The following DDAH1 variants were observed in gnomAD, a reference collection of about 807,000 sequenced individuals.
The protein encoded by DDAH1 is N(G),N(G)-dimethylarginine dimethylaminohydrolase 1.
Under a neutral mutation model 28.8 loss-of-function variants are expected in DDAH1, and 19 were observed. That is an observed-to-expected ratio of 0.66 (90% CI 0.46 to 0.97). DDAH1 has a LOEUF of 0.97. Among genes scored for constraint, DDAH1 ranks in the 50% least tolerant of loss-of-function variants. DDAH1 has a pLI of 0.00. For missense variants in DDAH1, 326 were observed against 375.9 expected, an observed-to-expected ratio of 0.87 and a Z score of 1.10; for synonymous variants, 153 against 154.4, an observed-to-expected ratio of 0.99 and a Z score of 0.07.
chr1:85,379,590 G>A, intron 1 of DDAH1: 1 of 985,124 alleles, frequency 1.0e-6, no homozygotes, highest in Non-Finnish European at 1.2e-6. Flanking sequence ...CATAACTTGT[G>A]AAAGAGTCAG....
At chr1:85,408,293 CT>C (rs36103030) in intron 1 of DDAH1, among the ~76,000 whole-genome samples, 5,141 of 145,590 alleles carry the variant, frequency 0.035, 127 homozygotes, top group East Asian at 0.13. Context: ...CTCCTTCTTC[CT>C]TTTTTTTTTT....
At chr1:85,422,717 C>G (rs1018735398) in intron 1 of DDAH1, among the ~76,000 whole-genome samples, 1 of 152,084 alleles carries the variant, frequency 6.6e-6, no homozygotes, top group Non-Finnish European at 1.5e-5. Flanking sequence ...TGCCCTAACC[C>G]CAGTGTGGTG....
chr1:85,432,583 A>G (rs907300463), intron 1 of DDAH1, among the ~76,000 whole-genome samples: 1 of 152,182 alleles, frequency 6.6e-6, no homozygotes, highest in Non-Finnish European at 1.5e-5. Flanking sequence ...CCTTAATGGC[A>G]CAATTGAATT....
intron 1 of DDAH1, among the ~76,000 whole-genome samples, chr1:85,450,584 A>G (rs1051357370): frequency 5.3e-5 from 8 of 152,308 alleles, no homozygotes; most frequent in African/African-American, 1.9e-4. Context: ...TCCTTCACTC[A>G]TCATAACATT....
Position 85,464,687 on chromosome 1 carries a change from G to A in DDAH1, c.303+56C>T. On this transcript the variant is annotated intron_variant, in intron 1 of 5. Transcript: ENST00000284031. This position sits in a 1 kb window ranked among gnomAD's most constrained non-coding sequence, Gnocchi z 4.4. ...GACTCCCCAGGCAACACGGCGGCCG[G>A]CGGCGGGGGAGGGCCTGGCGCGCGC... 2 of 1,429,928 alleles carry A rather than the reference G, an allele frequency of 1.4e-6. No individual in the cohort carries two copies. The highest frequency in any genetic ancestry group is 1.8e-6 in the Non-Finnish European group (2 of 1,098,560). 88.6% of individuals were successfully genotyped at this position (1,429,928 alleles called of 1,614,324 possible). A position where few individuals can be genotyped will look rare whatever the true frequency, so the allele number is the denominator to read the frequency against.
intron 1 of DDAH1, among the ~76,000 whole-genome samples, chr1:85,515,233 A>C (rs1322770423): frequency 6.6e-6 from 1 of 151,432 alleles, no homozygotes; most frequent in Non-Finnish European, 1.5e-5. Flanking sequence ...CTTAAAAAAA[A>C]AAAATTACGA....
At chr1:85,550,882 G>A (rs1324725938) in intron 1 of DDAH1, among the ~76,000 whole-genome samples, 2 of 152,166 alleles carry the variant, frequency 1.3e-5, no homozygotes, top group African/African-American at 4.8e-5. Context: ...AGCACTGACT[G>A]GATTACATAA....
At chr1:85,535,896 A>G (rs1324663369) in intron 1 of DDAH1, among the ~76,000 whole-genome samples, 2 of 152,348 alleles carry the variant, frequency 1.3e-5, no homozygotes, top group East Asian at 3.9e-4. Context: ...ATTTCTCGAA[A>G]GAAGACATAC....
intron 1 of DDAH1, among the ~76,000 whole-genome samples, chr1:85,433,140 GTTGTTT>G (rs1234380355): frequency 6.6e-6 from 1 of 151,766 alleles, no homozygotes; most frequent in African/African-American, 2.4e-5. Flanking sequence ...ATCTTTTTTT[GTTGTTT>G]TTGTTTTTAA....
intron 1 of DDAH1, among the ~76,000 whole-genome samples, chr1:85,450,166 G>A (rs999185300): frequency 1.4e-4 from 21 of 152,192 alleles, no homozygotes; most frequent in African/African-American, 4.6e-4. Context: ...ATATATTTGC[G>A]ATTATTTATT....
At chr1:85,465,583 G>C (rs1655347078), upstream of DDAH1, among the ~76,000 whole-genome samples, 1 of 152,154 alleles carries the variant, frequency 6.6e-6, no homozygotes, top group Admixed American at 6.5e-5. Flanking sequence ...GAGCTATAAT[G>C]GTTTACAGAT....
At chr1:85,498,684 T>C (rs1656683918) in intron 1 of DDAH1, among the ~76,000 whole-genome samples, 1 of 152,106 alleles carries the variant, frequency 6.6e-6, no homozygotes, top group South Asian at 2.1e-4. Context: ...TTTGAGAGGC[T>C]GAGGTGGGCA....
chr1:85,558,984 G>T (rs536622631), intron 1 of DDAH1, among the ~76,000 whole-genome samples: 1 of 152,222 alleles, frequency 6.6e-6, no homozygotes, highest in South Asian at 2.1e-4. Context: ...TACTAACAAG[G>T]TTATTATGAA....
chr1:85,342,519 A>C (rs755302698), intron 4 of DDAH1, among the ~76,000 whole-genome samples: 2 of 152,150 alleles, frequency 1.3e-5, no homozygotes, highest in Non-Finnish European at 2.9e-5. Context: ...GAGGAATTTT[A>C]GCATGTCAAA....
At chr1:85,496,457 T>C (rs1201766908) in intron 1 of DDAH1, among the ~76,000 whole-genome samples, 1 of 152,230 alleles carries the variant, frequency 6.6e-6, no homozygotes, top group Non-Finnish European at 1.5e-5. Context: ...AACTCACAAC[T>C]GAGTAAGTAA....
At chr1:85,570,383 C>CACACAG (rs1352605978) in intron 1 of DDAH1, among the ~76,000 whole-genome samples, 2 of 151,278 alleles carry the variant, frequency 1.3e-5, no homozygotes, top group Non-Finnish European at 3.0e-5. Context: ...CACACACACA[C>CACACAG]ACACACACAC....
chr1:85,417,548 A>G (rs1652938887), intron 1 of DDAH1, among the ~76,000 whole-genome samples: 1 of 152,234 alleles, frequency 6.6e-6, no homozygotes, highest in Non-Finnish European at 1.5e-5. Context: ...TGAGAATTTA[A>G]GCAAACAGGA....
At chr1:85,327,795 T>C (rs1647506193) in intron 4 of DDAH1, among the ~76,000 whole-genome samples, 1 of 152,174 alleles carries the variant, frequency 6.6e-6, no homozygotes, top group East Asian at 1.9e-4. Flanking sequence ...CCAAAACAGA[T>C]AATGTACATA....
chr1:85,345,566 G>T (rs1648793393), intron 4 of DDAH1, among the ~76,000 whole-genome samples: 1 of 152,052 alleles, frequency 6.6e-6, no homozygotes, highest in Non-Finnish European at 1.5e-5. Flanking sequence ...TCTTTCCCTA[G>T]ATTGGTACCC....
Sources: gnomAD v4.1 joint callset for allele counts (sites outside exome capture counted in the v4.1 genomes callset) on GRCh38, gnomAD v4.1.1 for gene constraint, Gnocchi (gnomAD v3.1) non-coding constraint, MANE v1.5 for transcripts, NCBI Gene and HGNC (gene_info 2026-07-23, HGNC 2026-07-21) for gene names.